Variants in ARHGAP44 observed in about 807,000 individuals in gnomAD.
ARHGAP44 encodes the protein rho GTPase-activating protein 44.
A neutral mutation model predicts 106.8 loss-of-function variants in ARHGAP44; 43 were observed. That is an observed-to-expected ratio of 0.40 (90% confidence interval 0.32 to 0.52). ARHGAP44 has a LOEUF of 0.52. Ranked by LOEUF, ARHGAP44 falls within the 20% of genes least tolerant of loss-of-function variation. The pLI, the probability that ARHGAP44 is intolerant of heterozygous loss-of-function variation, is 0.48. For missense variants in ARHGAP44, 866 were observed against 1,050.5 expected, an observed-to-expected ratio of 0.82 and a Z score of 2.43; for synonymous variants, 439 against 410.3, an observed-to-expected ratio of 1.07 and a Z score of -0.85.
At chr17:12,986,659 G>C (rs2039962838) in intron 20 of ARHGAP44, 1 of 109,378 alleles carries the variant, frequency 9.1e-6, no homozygotes, top group African/African-American at 3.6e-5. Flanking sequence ...TGGCAACAGA[G>C]CGAGACTCCA....
chr17:12,977,673 A>G (rs2039720538), intron 18 of ARHGAP44, among the ~76,000 whole-genome samples: 1 of 151,896 alleles, frequency 6.6e-6, no homozygotes, highest in Non-Finnish European at 1.5e-5. Context: ...ACCTCTCCCC[A>G]CTGGGTCAGC....
At chr17:12,917,439 C>G (rs932272053) in intron 5 of ARHGAP44, 1 of 152,508 alleles carries the variant, frequency 6.6e-6, no homozygotes, top group Non-Finnish European at 1.5e-5. Flanking sequence ...GTCAAAGAAC[C>G]TGGAGTCTGA....
chr17:12,812,363 C>T (rs1269615325), intron 1 of ARHGAP44, among the ~76,000 whole-genome samples: 1 of 151,978 alleles, frequency 6.6e-6, no homozygotes, highest in Non-Finnish European at 1.5e-5. Context: ...GGGATTTCGA[C>T]AGATGGAGAT....
In ARHGAP44 at chr17:12,850,030, G is replaced by A. The variant is rs147503613; in HGVS notation, c.54-44910G>A. Among the ~76,000 whole-genome samples, 33 of 152,242 alleles carry A rather than the reference G, an allele frequency of 2.2e-4. No homozygotes were observed. The East Asian group carries it at 6.4e-3, about 29-fold the overall frequency. ...ACTTTAAGGGCAGCAGGTTCTCTTT[G>A]GCCTGCTAGGTTGGAAGATGATAAG... is the stretch of plus-strand genomic sequence containing the variant. On this transcript the variant is annotated intron_variant, in intron 1 of 20. Coordinates refer to ENST00000379672, the MANE Select transcript of ARHGAP44 (RefSeq NM_014859.6).
intron 1 of ARHGAP44, among the ~76,000 whole-genome samples, chr17:12,817,134 T>A (rs1026508407): frequency 1.3e-5 from 2 of 152,030 alleles, no homozygotes; most frequent in African/African-American, 4.8e-5. Context: ...AAACCCCAAA[T>A]GTCTGGTAAT....
intron 10 of ARHGAP44, among the ~76,000 whole-genome samples, chr17:12,947,797 T>C (rs1222323965): frequency 1.3e-5 from 2 of 152,236 alleles, no homozygotes; most frequent in East Asian, 1.9e-4. Context: ...TATTCTGCAG[T>C]TGGCTGTCTT....
Position 12,926,456 on chromosome 17 carries a change from ATACAT to A in ARHGAP44, c.465-2472_465-2468del, listed in dbSNP as rs1423383853. ...ATATATATGTATATACATAATATAT[ATACAT>A]ATATAATATATATAATATATATGTA... On this transcript the variant is annotated intron_variant, in intron 6 of 20. Coordinates refer to ENST00000379672, the MANE Select transcript of ARHGAP44 (RefSeq NM_014859.6). 1.2e-4 allele frequency among the ~76,000 whole-genome samples: 14 copies of A among 116,962 alleles called. No homozygotes were observed. In the Admixed American group the frequency reaches 1.3e-3, roughly 11 times the overall value. The allele number at this position is 116,962 out of a possible 152,430, so 76.7% of individuals were successfully genotyped here. A position where few individuals can be genotyped will look rare whatever the true frequency, so the allele number is the denominator to read the frequency against.
chr17:12,866,883 AG>A (rs2036252211), intron 1 of ARHGAP44, among the ~76,000 whole-genome samples: 1 of 152,020 alleles, frequency 6.6e-6, no homozygotes, highest in Non-Finnish European at 1.5e-5. Flanking sequence ...TCCCCAAGAG[AG>A]GGGATTTACG....
chr17:12,796,763 A>ATTTT (rs962291701), intron 1 of ARHGAP44, among the ~76,000 whole-genome samples: 1 of 139,628 alleles, frequency 7.2e-6, no homozygotes, highest in Non-Finnish European at 1.6e-5. Flanking sequence ...CACCTGGCTA[A>ATTTT]TTTTTTTTTT....
At chr17:12,846,083 G>A (rs9913330) in intron 1 of ARHGAP44, among the ~76,000 whole-genome samples, 49,612 of 151,300 alleles carry the variant, frequency 0.33, 13,141 homozygotes, top group African/African-American at 0.73. Context: ...ATATAGTGAG[G>A]AGGGTGGTTT....
intron 1 of ARHGAP44, among the ~76,000 whole-genome samples, chr17:12,836,126 C>T (rs62060437): frequency 0.023 from 3,483 of 152,216 alleles, 45 homozygotes; most frequent in Non-Finnish European, 0.032. Context: ...CTTCCAGATC[C>T]TGCTTTAAAT....
At chr17:12,830,733 A>G (rs761093536) in intron 1 of ARHGAP44, among the ~76,000 whole-genome samples, 2 of 147,408 alleles carry the variant, frequency 1.4e-5, no homozygotes, top group Non-Finnish European at 3.0e-5. Context: ...AACCGAAGAA[A>G]TATGTTATTA....
chr17:12,876,283 C>A (rs1430250952), intron 1 of ARHGAP44, among the ~76,000 whole-genome samples: 1 of 152,114 alleles, frequency 6.6e-6, no homozygotes, highest in Admixed American at 6.6e-5. Context: ...TTTACTAATT[C>A]CCTCCCACGA....
intron 20 of ARHGAP44, chr17:12,986,941 C>G (rs939334424): frequency 4.5e-5 from 29 of 646,662 alleles, no homozygotes; most frequent in Non-Finnish European, 7.3e-5. Flanking sequence ...TTGTTTTGTC[C>G]CATACGTTCA....
chr17:12,929,216 A>T (rs2038332192), intron 7 of ARHGAP44, 170 bp downstream of exon 7: 1 of 550,952 alleles, frequency 1.8e-6, no homozygotes, highest in Admixed American at 3.1e-5. Flanking sequence ...GAACCCAAGG[A>T]GTTGGGGCTT....
At chr17:12,853,272 C>T (rs2035816229) in intron 1 of ARHGAP44, among the ~76,000 whole-genome samples, 1 of 152,168 alleles carries the variant, frequency 6.6e-6, no homozygotes, top group Admixed American at 6.5e-5. Context: ...GAAGACTCAG[C>T]AAATATCACT....
In ARHGAP44 at chr17:12,949,509, C is replaced by T. The variant is rs2038942268; in HGVS notation, c.974-140C>T. On this transcript the variant is annotated intron_variant, in intron 11 of 20. Coordinates refer to ENST00000379672, the MANE Select transcript of ARHGAP44 (RefSeq NM_014859.6). This position sits in a 1 kb window ranked among gnomAD's most constrained non-coding sequence, Gnocchi z 4.1. ...CCTGTCAGAGCCTCATACCCATTTC[C>T]ATAGGAAGCTACCATTTGCTGTTGA... The T allele has an allele frequency of 2.5e-6, 2 of 796,122 alleles. No individual in the cohort carries two copies. Among genetic ancestry groups the T allele is most frequent in the Non-Finnish European group, 4.0e-6 (2 of 499,246 alleles). The allele number at this position is 796,122 out of a possible 1,614,324, so 49.3% of individuals were successfully genotyped here. A position where few individuals can be genotyped will look rare whatever the true frequency, so the allele number is the denominator to read the frequency against.
At chr17:12,855,881 C>T (rs73292120) in intron 1 of ARHGAP44, among the ~76,000 whole-genome samples, 1,913 of 152,230 alleles carry the variant, frequency 0.013, 40 homozygotes, top group African/African-American at 0.042. Flanking sequence ...CTTTGAAATG[C>T]GTTGGGCAGG....
intron 10 of ARHGAP44, among the ~76,000 whole-genome samples, chr17:12,945,293 A>G (rs1356561318): frequency 6.6e-6 from 1 of 152,212 alleles, no homozygotes; most frequent in African/African-American, 2.4e-5. Context: ...TACAGGCATG[A>G]GCCACTGCAC....
Sources: gnomAD v4.1 joint callset for allele counts (sites outside exome capture counted in the v4.1 genomes callset) on GRCh38, gnomAD v4.1.1 for gene constraint, Gnocchi (gnomAD v3.1) non-coding constraint, MANE v1.5 for transcripts, NCBI Gene and HGNC (gene_info 2026-07-23, HGNC 2026-07-21) for gene names.